LRRC37A2: variants seen among roughly 807,000 people sequenced by gnomAD.
The protein encoded by LRRC37A2 is leucine rich repeat containing 37 member A2.
Under a neutral mutation model 68.8 loss-of-function variants are expected in LRRC37A2, and 9 were observed. That is an observed-to-expected ratio of 0.13 (90% CI 0.08 to 0.23). The LOEUF (loss-of-function observed/expected upper bound fraction) is 0.23, where lower values mean the gene tolerates loss of function less well. LRRC37A2 is among the 10% of genes least tolerant of loss of function. The probability of loss-of-function intolerance (pLI) is 1.00; values close to 1 mark genes in which losing one functional copy is unlikely to be tolerated. For synonymous variants in LRRC37A2, 63 were observed against 367.6 expected, an observed-to-expected ratio of 0.17 and a Z score of 9.48; for missense variants, 168 against 950.4, an observed-to-expected ratio of 0.18 and a Z score of 10.82.
the LRRC37A2 span, chr17:46,931,072 A>G: frequency 1.7e-6 from 2 of 1,174,972 alleles, no homozygotes; most frequent in South Asian, 1.2e-5. Flanking sequence ...CTTTTCCAGC[A>G]ATTATTCTTT....
chr17:46,831,908 T>C, the LRRC37A2 span, among the ~76,000 whole-genome samples: 2 of 152,248 alleles, frequency 1.3e-5, no homozygotes, highest in Non-Finnish European at 1.5e-5. Context: ...CCAACACCCT[T>C]TGTGTTCCTG....
At chr17:46,962,499 A>G in the LRRC37A2 span, among the ~76,000 whole-genome samples, 1 of 152,176 alleles carries the variant, frequency 6.6e-6, no homozygotes. Flanking sequence ...AAGTATGCTG[A>G]TTCTGGGCCA....
chr17:46,912,438 C>A, the LRRC37A2 span, among the ~76,000 whole-genome samples: 217 of 152,326 alleles, frequency 1.4e-3, 2 homozygotes, highest in African/African-American at 4.9e-3. Flanking sequence ...GGCTTTCCAG[C>A]CCCTTTTATC....
chr17:46,569,471 G>A, the LRRC37A2 span, among the ~76,000 whole-genome samples: 2 of 148,016 alleles, frequency 1.4e-5, no homozygotes, highest in Non-Finnish European at 3.0e-5. Context: ...GGGTACATGG[G>A]GGTTCGTTAT....
the LRRC37A2 span, among the ~76,000 whole-genome samples, chr17:46,981,771 A>G: frequency 1.6e-4 from 25 of 152,150 alleles, no homozygotes; most frequent in Admixed American, 7.2e-4. Context: ...CAGTGGTGCA[A>G]TCACAACTCA....
At chr17:46,788,849 C>T in the LRRC37A2 span, among the ~76,000 whole-genome samples, 5 of 152,298 alleles carry the variant, frequency 3.3e-5, no homozygotes, top group East Asian at 1.9e-4. Flanking sequence ...GCTGTCTCCA[C>T]GGCGAGCTGA....
the LRRC37A2 span, chr17:46,713,850 C>T: frequency 6.2e-7 from 1 of 1,608,718 alleles, no homozygotes; most frequent in Non-Finnish European, 8.5e-7. Flanking sequence ...TATCTTTATG[C>T]AGGCCCTCCT....
Position 46,544,960 on chromosome 17 carries a change from G to C in LRRC37A2, c.3054-1295G>C, listed in dbSNP as rs560377458. ...TGGCATTTTTTAAGAGTCAAAGATA[G>C]TTGTCTTGTAAATTGTCCCACAATC... On this transcript the variant is annotated intron_variant, in intron 8 of 14. Transcript: ENST00000576629. Among the ~76,000 whole-genome samples the C allele has an allele frequency of 1.1e-3, 161 of 140,454 alleles. 29 individuals are homozygous for C. The highest frequency in any genetic ancestry group is 4.0e-3 in the African/African-American group (148 of 36,828). 92.1% of individuals were successfully genotyped at this position (140,454 alleles called of 152,430 possible).
the LRRC37A2 span, chr17:46,821,362 T>C: frequency 6.6e-6 from 1 of 152,274 alleles, no homozygotes; most frequent in Non-Finnish European, 1.5e-5. Flanking sequence ...GTGTCCTTCC[T>C]TCAACACAGG....
At chr17:46,721,873 C>T in the LRRC37A2 span, 3 of 1,586,228 alleles carry the variant, frequency 1.9e-6, no homozygotes, top group East Asian at 4.5e-5. Flanking sequence ...GCAGAATTCT[C>T]CTCTGAGCGA....
the LRRC37A2 span, among the ~76,000 whole-genome samples, chr17:46,972,602 C>T: frequency 1.4e-3 from 209 of 152,374 alleles, no homozygotes; most frequent in African/African-American, 4.8e-3. Flanking sequence ...GGCTGCATTG[C>T]TGTCAACATA....
chr17:46,958,336 A>G, the LRRC37A2 span, among the ~76,000 whole-genome samples: 1 of 152,260 alleles, frequency 6.6e-6, no homozygotes, highest in African/African-American at 2.4e-5. Context: ...TCTCCATGGC[A>G]ACAATTACCC....
At chr17:46,990,644 G>C in the LRRC37A2 span, among the ~76,000 whole-genome samples, 1 of 151,478 alleles carries the variant, frequency 6.6e-6, no homozygotes, top group African/African-American at 2.4e-5. Context: ...CTCTCTTTCT[G>C]TAGGACAATT....
chr17:46,935,788 T>C, the LRRC37A2 span: 5 of 986,350 alleles, frequency 5.1e-6, no homozygotes, highest in African/African-American at 8.8e-5. Context: ...CCCCTGGGAG[T>C]GGTTTACAGA....
chr17:46,934,047 C>T, the LRRC37A2 span, among the ~76,000 whole-genome samples: 2 of 152,168 alleles, frequency 1.3e-5, no homozygotes, highest in Admixed American at 6.5e-5. Context: ...GGACTTGGCT[C>T]CTGCCTATAG....
At chr17:46,781,349 T>G in the LRRC37A2 span, among the ~76,000 whole-genome samples, 2,190 of 152,092 alleles carry the variant, frequency 0.014, 54 homozygotes, top group African/African-American at 0.05. Context: ...ACTGTATGAT[T>G]TCACTTACAT....
the LRRC37A2 span, among the ~76,000 whole-genome samples, chr17:46,905,484 G>T: frequency 1.3e-5 from 2 of 152,208 alleles, no homozygotes; most frequent in African/African-American, 4.8e-5. Flanking sequence ...AGAAGACTTT[G>T]TTTCATCCTT....
chr17:46,765,086 C>T, the LRRC37A2 span, among the ~76,000 whole-genome samples: 45 of 152,358 alleles, frequency 3.0e-4, no homozygotes, highest in African/African-American at 9.9e-4. Flanking sequence ...CAATTCCTTC[C>T]CATTGGAGCA....
chr17:46,783,684 T>C, the LRRC37A2 span, among the ~76,000 whole-genome samples: 1 of 152,144 alleles, frequency 6.6e-6, no homozygotes, highest in Admixed American at 6.5e-5. Flanking sequence ...GTGTCCTCAC[T>C]GCCTCTGGAG....
Sources: gnomAD v4.1 joint callset for allele counts (sites outside exome capture counted in the v4.1 genomes callset) on GRCh38, gnomAD v4.1.1 for gene constraint, MANE v1.5 for transcripts, NCBI Gene and HGNC (gene_info 2026-07-23, HGNC 2026-07-21) for gene names.